The following SCHIP1 variants were observed in gnomAD, a reference collection of about 807,000 sequenced individuals.
The protein encoded by SCHIP1 is schwannomin-interacting protein 1.
A neutral mutation model predicts 29.7 loss-of-function variants in SCHIP1; 8 were observed. That is an observed-to-expected ratio of 0.27 (90% CI 0.16 to 0.49). The LOEUF (loss-of-function observed/expected upper bound fraction) is 0.49, where lower values mean the gene tolerates loss of function less well. SCHIP1 is among the 20% of genes least tolerant of loss of function. The pLI, the probability that SCHIP1 is intolerant of heterozygous loss-of-function variation, is 0.99. For missense variants in SCHIP1, 193 were observed against 294.6 expected (o/e 0.66, Z 2.52); for synonymous variants, 76 against 94.9 (o/e 0.80, Z 1.16).
At chr3:159,680,659 TAAAA>T in the SCHIP1 span, among the ~76,000 whole-genome samples, 1 of 73,124 alleles carries the variant, frequency 1.4e-5, no homozygotes, top group Non-Finnish European at 2.3e-5. Flanking sequence ...TATGTATATA[TAAAA>T]TATATATTAT....
At chr3:159,539,410 G>C in the SCHIP1 span, among the ~76,000 whole-genome samples, 2 of 136,738 alleles carry the variant, frequency 1.5e-5, 1 homozygote, top group Non-Finnish European at 3.3e-5. Flanking sequence ...AATTAATTTA[G>C]TATATCAAAG....
chr3:159,462,436 T>G, the SCHIP1 span, among the ~76,000 whole-genome samples: 2 of 152,102 alleles, frequency 1.3e-5, no homozygotes, highest in East Asian at 3.9e-4. Context: ...CTTTGGCATT[T>G]GCAGGACCTC....
At chr3:159,579,748 G>A in the SCHIP1 span, among the ~76,000 whole-genome samples, 77 of 152,244 alleles carry the variant, frequency 5.1e-4, no homozygotes, top group Non-Finnish European at 1.1e-3. Context: ...TAAGAATTGA[G>A]TTCAACAATT....
chr3:159,290,300 AG>A, the SCHIP1 span, among the ~76,000 whole-genome samples: 1 of 152,230 alleles, frequency 6.6e-6, no homozygotes, highest in African/African-American at 2.4e-5. Context: ...ATGTAAGAAC[AG>A]CAGGAAGGGG....
At chr3:159,887,979 C>A in intron 4 of SCHIP1, 74 bp downstream of exon 5, 1 of 1,556,050 alleles carries the variant, frequency 6.4e-7, no homozygotes, top group East Asian at 2.3e-5. Flanking sequence ...AGTCCTTTCC[C>A]AGAATTATGC....
At chr3:159,343,401 G>A in the SCHIP1 span, among the ~76,000 whole-genome samples, 4 of 152,184 alleles carry the variant, frequency 2.6e-5, no homozygotes, top group Admixed American at 2.6e-4. Context: ...TATTTTTCTT[G>A]ATCGTAGGAG....
chr3:159,876,758 G>T (rs1715854804), intron 2 of SCHIP1, among the ~76,000 whole-genome samples: 1 of 152,198 alleles, frequency 6.6e-6, no homozygotes, highest in Non-Finnish European at 1.5e-5. Context: ...AGGAAGAAAA[G>T]GTGAAACATG....
At chr3:159,471,618 AATGAGAAG>A in the SCHIP1 span, among the ~76,000 whole-genome samples, 1 of 152,130 alleles carries the variant, frequency 6.6e-6, no homozygotes, top group Non-Finnish European at 1.5e-5. Flanking sequence ...AAATAAAAAC[AATGAGAAG>A]ATGATATTCC....
chr3:159,557,293 T>A, the SCHIP1 span, among the ~76,000 whole-genome samples: 2 of 152,202 alleles, frequency 1.3e-5, no homozygotes, highest in African/African-American at 2.4e-5. Flanking sequence ...TTCATGCTCA[T>A]TTTATAATTG....
chr3:159,708,353 G>T, the SCHIP1 span, among the ~76,000 whole-genome samples: 2 of 152,190 alleles, frequency 1.3e-5, no homozygotes, highest in Non-Finnish European at 2.9e-5. Context: ...AAGATAAAAG[G>T]CTAAGTTGGA....
the SCHIP1 span, among the ~76,000 whole-genome samples, chr3:159,576,274 G>A: frequency 2.6e-5 from 4 of 152,072 alleles, no homozygotes; most frequent in Admixed American, 2.6e-4. Flanking sequence ...AGACTATTAT[G>A]CCATTTTTAT....
At chr3:159,894,392 G>A (rs1413507953) in intron 6 of SCHIP1, 1 of 152,174 alleles carries the variant, frequency 6.6e-6, no homozygotes, top group African/African-American at 2.4e-5. Context: ...ACCCTGGTGT[G>A]TCAGGGTCAT....
chr3:159,291,409 T>C, the SCHIP1 span, among the ~76,000 whole-genome samples: 1 of 152,074 alleles, frequency 6.6e-6, no homozygotes. Flanking sequence ...GGAAACCAAA[T>C]AAACCTAGGT....
At chr3:159,766,864 C>A in the SCHIP1 span, among the ~76,000 whole-genome samples, 14 of 152,266 alleles carry the variant, frequency 9.2e-5, no homozygotes, top group Non-Finnish European at 1.8e-4. Context: ...CCACCTCATA[C>A]CCCCACCCCC....
chr3:159,361,094 T>G, the SCHIP1 span, among the ~76,000 whole-genome samples: 2 of 152,210 alleles, frequency 1.3e-5, no homozygotes, highest in African/African-American at 4.8e-5. Flanking sequence ...CTTGTCCTCA[T>G]GGACTTTACA....
the SCHIP1 span, among the ~76,000 whole-genome samples, chr3:159,784,530 A>G: frequency 6.6e-6 from 1 of 152,226 alleles, no homozygotes; most frequent in Non-Finnish European, 1.5e-5. Flanking sequence ...GAAACATGAA[A>G]TATTTTGTCA....
At chr3:159,798,788 A>C in the SCHIP1 span, among the ~76,000 whole-genome samples, 5 of 151,604 alleles carry the variant, frequency 3.3e-5, no homozygotes, top group African/African-American at 7.3e-5. Context: ...CAACAACAAC[A>C]ACCAAAAAAA....
At chr3:159,664,579 A>G in the SCHIP1 span, among the ~76,000 whole-genome samples, 6 of 152,238 alleles carry the variant, frequency 3.9e-5, no homozygotes, top group Non-Finnish European at 8.8e-5. Context: ...TGTTACTGCA[A>G]GAACTCTAAT....
At chr3:159,680,222 T>C in the SCHIP1 span, among the ~76,000 whole-genome samples, 2 of 151,856 alleles carry the variant, frequency 1.3e-5, no homozygotes, top group African/African-American at 4.8e-5. Context: ...ATTAATAGTA[T>C]ATGCAGGGCC....
Sources: gnomAD v4.1 joint callset for allele counts (sites outside exome capture counted in the v4.1 genomes callset) on GRCh38, gnomAD v4.1.1 for gene constraint, MANE v1.5 for transcripts, NCBI Gene and HGNC (gene_info 2026-07-23, HGNC 2026-07-21) for gene names.